OR2L13: variants seen among roughly 807,000 people sequenced by gnomAD.
The protein encoded by OR2L13 is olfactory receptor 2L13.
Under a neutral mutation model 15.3 loss-of-function variants are expected in OR2L13, and 14 were observed. The observed-to-expected ratio is 0.91, with a 90% CI of 0.60 to 1.43. OR2L13 has a LOEUF of 1.43. Ranked by LOEUF, OR2L13 falls within the 40% of genes most tolerant of loss-of-function variation. The pLI is 0.00. For missense variants in OR2L13, 367 were observed against 387.9 expected (o/e 0.95, Z 0.45); for synonymous variants, 152 against 142.9 (o/e 1.06, Z -0.45).
At chr1:248,028,723 T>C in the OR2L13 span, among the ~76,000 whole-genome samples, 1 of 152,216 alleles carries the variant, frequency 6.6e-6, no homozygotes, top group Admixed American at 6.5e-5. Flanking sequence ...ATTTCAGGAA[T>C]AAGTTGTTGA....
chr1:248,049,878 T>C, the OR2L13 span, among the ~76,000 whole-genome samples: 174 of 152,330 alleles, frequency 1.1e-3, no homozygotes, highest in African/African-American at 3.9e-3. Flanking sequence ...TTTATCTAGA[T>C]GTCACATTTA....
At chr1:248,022,629 C>G in the OR2L13 span, 2 of 1,613,994 alleles carry the variant, frequency 1.2e-6, no homozygotes, top group South Asian at 1.1e-5. Flanking sequence ...CTACCGCATG[C>G]ACTCTGCAGA....
At chr1:248,093,147 GGTTT>G (rs1470805608), upstream of OR2L13, among the ~76,000 whole-genome samples, 3 of 152,222 alleles carry the variant, frequency 2.0e-5, no homozygotes, top group South Asian at 2.1e-4. Flanking sequence ...TTTATTAACA[GGTTT>G]GTTTATTTTT....
the OR2L13 span, among the ~76,000 whole-genome samples, chr1:248,067,512 C>T: frequency 6.6e-6 from 1 of 152,190 alleles, no homozygotes; most frequent in African/African-American, 2.4e-5. Flanking sequence ...TGAGGGCTGG[C>T]AGCCAAGATG....
At chr1:247,991,468 AAAT>A in the OR2L13 span, among the ~76,000 whole-genome samples, 1 of 149,210 alleles carries the variant, frequency 6.7e-6, no homozygotes, top group Non-Finnish European at 1.5e-5. Context: ...ACCTCAGGAT[AAAT>A]AATTATGTCT....
chr1:248,079,670 T>C, the OR2L13 span, among the ~76,000 whole-genome samples: 1 of 152,192 alleles, frequency 6.6e-6, no homozygotes, highest in Non-Finnish European at 1.5e-5. Flanking sequence ...ACATAATTAA[T>C]AACAATACCT....
the OR2L13 span, among the ~76,000 whole-genome samples, chr1:247,940,727 C>CGT: frequency 1.8e-5 from 1 of 54,698 alleles, no homozygotes; most frequent in African/African-American, 6.8e-5. Context: ...TGTGTGCATA[C>CGT]GTGCGTGTGT....
the OR2L13 span, among the ~76,000 whole-genome samples, chr1:248,012,713 A>C: frequency 6.6e-6 from 1 of 152,112 alleles, no homozygotes; most frequent in African/African-American, 2.4e-5. Flanking sequence ...TACACTACCT[A>C]CCCTGATTAG....
the OR2L13 span, among the ~76,000 whole-genome samples, chr1:248,002,203 T>C: frequency 0.028 from 4,275 of 152,296 alleles, 166 homozygotes; most frequent in African/African-American, 0.098. Context: ...TTTAAAAATG[T>C]ATTTGGAAAT....
chr1:248,052,859 GA>G, the OR2L13 span, among the ~76,000 whole-genome samples: 3,266 of 149,660 alleles, frequency 0.022, 115 homozygotes, highest in African/African-American at 0.075. Flanking sequence ...TTCTGTTTCT[GA>G]AAAAAAAAAT....
the OR2L13 span, among the ~76,000 whole-genome samples, chr1:248,027,670 A>G: frequency 6.6e-6 from 1 of 152,138 alleles, no homozygotes; most frequent in Non-Finnish European, 1.5e-5. Context: ...ATTTCCCCTG[A>G]TATATTGGGC....
the OR2L13 span, among the ~76,000 whole-genome samples, chr1:248,078,209 G>A: frequency 0.072 from 10,942 of 152,226 alleles, 554 homozygotes; most frequent in Admixed American, 0.16. Context: ...CTGGCTGGGC[G>A]CGGTGCCTCA....
chr1:248,084,595 A>C, the OR2L13 span: 2 of 1,603,014 alleles, frequency 1.2e-6, no homozygotes, highest in Non-Finnish European at 1.7e-6. Context: ...TCTCATCTCC[A>C]TAATTTCCCC....
At chr1:247,986,587 C>A in the OR2L13 span, among the ~76,000 whole-genome samples, 1 of 151,990 alleles carries the variant, frequency 6.6e-6, no homozygotes, top group African/African-American at 2.4e-5. Flanking sequence ...ATTGACTTGG[C>A]AATGAGGACT....
chr1:248,047,098 G>A, the OR2L13 span, among the ~76,000 whole-genome samples: 1 of 152,088 alleles, frequency 6.6e-6, no homozygotes, highest in East Asian at 1.9e-4. Flanking sequence ...TTTTCTGGAC[G>A]GGAAGGTAAA....
chr1:247,941,649 GAGAGAGAGACCTTGTCATGAA>G, the OR2L13 span, among the ~76,000 whole-genome samples: 403 of 152,238 alleles, frequency 2.6e-3, 1 homozygote, highest in Non-Finnish European at 4.6e-3. Flanking sequence ...AAAAGAGAGA[GAGAGAGAGACCTTGTCATGAA>G]AGAGAGAGAC....
chr1:248,085,263 C>A, the OR2L13 span, among the ~76,000 whole-genome samples: 1 of 151,650 alleles, frequency 6.6e-6, no homozygotes, highest in Non-Finnish European at 1.5e-5. Context: ...ATGCAGAACT[C>A]ATGGATAAAA....
chr1:248,068,022 C>T, the OR2L13 span, among the ~76,000 whole-genome samples: 2 of 152,368 alleles, frequency 1.3e-5, no homozygotes, highest in Admixed American at 6.5e-5. Context: ...CCCACCACAG[C>T]TCAAGGAGGC....
the OR2L13 span, chr1:247,965,960 A>G: frequency 6.2e-7 from 1 of 1,608,764 alleles, no homozygotes; most frequent in African/African-American, 1.3e-5. Flanking sequence ...ACCTCCCAGT[A>G]TGAGTATACA....
Sources: gnomAD v4.1 joint callset for allele counts (sites outside exome capture counted in the v4.1 genomes callset) on GRCh38, gnomAD v4.1.1 for gene constraint, MANE v1.5 for transcripts, NCBI Gene and HGNC (gene_info 2026-07-23, HGNC 2026-07-21) for gene names.